Variants in PRKCA observed in about 807,000 individuals in gnomAD.
The protein encoded by PRKCA is protein kinase C alpha type.
PRKCA carries 27 observed loss-of-function variants against 87.0 expected under a neutral mutation model. That is an observed-to-expected ratio of 0.31 (90% confidence interval 0.23 to 0.43). PRKCA has a LOEUF of 0.43. Ranked by LOEUF, PRKCA falls within the 20% of genes least tolerant of loss-of-function variation. PRKCA has a pLI of 1.00. For synonymous variants in PRKCA, 329 were observed against 311.1 expected (o/e 1.06, Z -0.61); for missense variants, 518 against 852.3 (o/e 0.61, Z 4.88).
chr17:66,629,383 TTTGACCCACA>T (rs1338380477), intron 3 of PRKCA, among the ~76,000 whole-genome samples: 1 of 152,316 alleles, frequency 6.6e-6, no homozygotes. Flanking sequence ...GACTTCAAAA[TTTGACCCACA>T]TCATCACAGA....
At chr17:66,368,398 T>A (rs1237107812) in intron 2 of PRKCA, among the ~76,000 whole-genome samples, 8 of 117,414 alleles carry the variant, frequency 6.8e-5, no homozygotes, top group Admixed American at 1.8e-4. Context: ...TTTTTTTTTT[T>A]TTTTTTTTTT....
intron 2 of PRKCA, among the ~76,000 whole-genome samples, chr17:66,335,643 T>C (rs1352433587): frequency 6.6e-6 from 1 of 152,202 alleles, no homozygotes; most frequent in Non-Finnish European, 1.5e-5. Flanking sequence ...AATTGTATGT[T>C]ATTGCAATTT....
intron 14 of PRKCA, among the ~76,000 whole-genome samples, chr17:66,784,938 T>C (rs959951996): frequency 1.3e-5 from 2 of 152,220 alleles, no homozygotes; most frequent in Non-Finnish European, 2.9e-5. Flanking sequence ...TGTGGCCAGC[T>C]GCCCCTGCCC....
At chr17:66,372,872 C>G (rs1309285215) in intron 2 of PRKCA, among the ~76,000 whole-genome samples, 1 of 152,146 alleles carries the variant, frequency 6.6e-6, no homozygotes, top group Non-Finnish European at 1.5e-5. Flanking sequence ...GCCTGCCCAA[C>G]ACGGTGAAAA....
rs193078479 is a variant in PRKCA, at chr17:66,775,793, C to T, written c.1605+1726C>T. ...ACTGAATGCTTACAATGTGCATGGCCATAAGGATGAACAAAACAGACGAGA... is the reference window on the plus strand; with the variant it reads ...ACTGAATGCTTACAATGTGCATGGCTATAAGGATGAACAAAACAGACGAGA... On this transcript the variant is annotated intron_variant, in intron 14 of 16. Coordinates refer to ENST00000413366, the MANE Select transcript of PRKCA (RefSeq NM_002737.3). 14 of 978,808 alleles carry T rather than the reference C, an allele frequency of 1.4e-5. No homozygotes were observed. In the African/African-American group the frequency reaches 2.1e-4, roughly 15 times the overall value. 60.6% of individuals were successfully genotyped at this position (978,808 alleles called of 1,614,324 possible).
chr17:66,528,166 T>C (rs4270211), intron 3 of PRKCA, among the ~76,000 whole-genome samples: 95,810 of 147,330 alleles, frequency 0.65, 31,714 homozygotes, highest in African/African-American at 0.81. Flanking sequence ...TGCAGTGAGC[T>C]GACATGGCAC....
At chr17:66,719,035 A>G (rs913510689) in intron 8 of PRKCA, among the ~76,000 whole-genome samples, 2 of 152,180 alleles carry the variant, frequency 1.3e-5, no homozygotes, top group African/African-American at 4.8e-5. Flanking sequence ...GCTGGGCACA[A>G]GGGTACTTGT....
intron 11 of PRKCA, among the ~76,000 whole-genome samples, chr17:66,739,830 G>A (rs929206478): frequency 1.3e-5 from 2 of 152,108 alleles, no homozygotes; most frequent in African/African-American, 4.8e-5. Context: ...CCTGGCTGTG[G>A]AGGAGGGAAG....
chr17:66,327,514 C>T (rs1320431562), intron 2 of PRKCA, among the ~76,000 whole-genome samples: 7 of 151,930 alleles, frequency 4.6e-5, no homozygotes, highest in African/African-American at 1.2e-4. Context: ...CCAGCCTGGG[C>T]GACACAGTGA....
chr17:66,382,410 C>T (rs1010942462), intron 2 of PRKCA, among the ~76,000 whole-genome samples: 4 of 152,172 alleles, frequency 2.6e-5, no homozygotes, highest in African/African-American at 9.7e-5. Flanking sequence ...AAGCGATTCT[C>T]CTGCCTCAGT....
chr17:66,390,769 A>G (rs577737130), intron 2 of PRKCA, among the ~76,000 whole-genome samples: 5 of 152,310 alleles, frequency 3.3e-5, no homozygotes, highest in African/African-American at 1.2e-4. Flanking sequence ...TTGCAAAGCC[A>G]TCGGAAGAGA....
Position 66,677,075 on chromosome 17 carries a change from T to TTTTTTTTATTTATTTA in PRKCA, c.530-10033_530-10032insTTTTATTTATTTATTT, listed in dbSNP as rs1555634533. The TTTTTTTTATTTATTTA allele has an allele frequency of 5.5e-5, 8 of 144,486 alleles. No homozygotes were observed. In the South Asian group the frequency reaches 6.8e-4, roughly 12 times the overall value. The allele number at this position is 144,486 out of a possible 1,614,324, so 9.0% of individuals were successfully genotyped here. A position where few individuals can be genotyped will look rare whatever the true frequency, so the allele number is the denominator to read the frequency against. ...GGTCCAAATCTGGCCCACAGCTTAT[T>TTTTTTTTATTTATTTA]TTTATTTATTTATTTATTTATTGAG... On this transcript the variant is annotated intron_variant, in intron 5 of 16. Coordinates refer to ENST00000413366, the MANE Select transcript of PRKCA (RefSeq NM_002737.3).
chr17:66,476,665 G>C (rs1915548420), intron 2 of PRKCA, among the ~76,000 whole-genome samples: 1 of 151,926 alleles, frequency 6.6e-6, no homozygotes, highest in Non-Finnish European at 1.5e-5. Flanking sequence ...GGCCTGTGTA[G>C]GCTACAGTTG....
chr17:66,778,373 G>A (rs946132485), intron 14 of PRKCA: 8 of 344,064 alleles, frequency 2.3e-5, no homozygotes, highest in East Asian at 1.7e-4. Flanking sequence ...AAAATTAGCC[G>A]AGTGTGGTGG....
chr17:66,734,008 G>T (rs1973965236), intron 9 of PRKCA, among the ~76,000 whole-genome samples: 1 of 152,222 alleles, frequency 6.6e-6, no homozygotes, highest in South Asian at 2.1e-4. Context: ...GGAGGGGCCT[G>T]ATAGCTCCTA....
chr17:66,441,544 T>C (rs1274752986), intron 2 of PRKCA, among the ~76,000 whole-genome samples: 4 of 152,180 alleles, frequency 2.6e-5, no homozygotes, highest in Admixed American at 6.5e-5. Context: ...TTTATTTTTG[T>C]ACATCTTCAT....
At chr17:66,544,772 T>C (rs547530430) in intron 3 of PRKCA, among the ~76,000 whole-genome samples, 9 of 152,254 alleles carry the variant, frequency 5.9e-5, no homozygotes, top group African/African-American at 2.2e-4. Flanking sequence ...TTTGTATTTT[T>C]AGTAGAGATG....
chr17:66,310,865 C>T (rs1905056538), intron 2 of PRKCA, among the ~76,000 whole-genome samples: 1 of 152,066 alleles, frequency 6.6e-6, no homozygotes. Context: ...ACACCAAGTA[C>T]CAGGAGATAG....
intron 2 of PRKCA, among the ~76,000 whole-genome samples, chr17:66,371,245 C>T (rs1323780761): frequency 3.3e-5 from 5 of 152,190 alleles, no homozygotes; most frequent in African/African-American, 7.2e-5. Context: ...TCTAAAACTG[C>T]CTGACCCTAC....
Sources: allele counts gnomAD v4.1 joint callset (sites outside exome capture counted in the v4.1 genomes callset), GRCh38; gene constraint gnomAD v4.1.1; transcripts MANE v1.5; gene names NCBI Gene and HGNC (gene_info 2026-07-23, HGNC 2026-07-21).